Variants in CNTLN observed in about 807,000 individuals in gnomAD.
The protein encoded by CNTLN is centlein, centrosomal protein.
In CNTLN, 212 loss-of-function variants were observed where a neutral mutation model predicts 180.0. The observed-to-expected ratio is 1.18, with a 90% CI of 1.05 to 1.32. The LOEUF (loss-of-function observed/expected upper bound fraction) is 1.32. Ranked by LOEUF, CNTLN falls within the 40% of genes most tolerant of loss-of-function variation. The pLI is 0.00. For missense variants in CNTLN, 2,095 were observed against 1,610.9 expected, an observed-to-expected ratio of 1.30 and a Z score of -5.14; for synonymous variants, 722 against 563.1, an observed-to-expected ratio of 1.28 and a Z score of -3.99.
intron 25 of CNTLN, among the ~76,000 whole-genome samples, chr9:17,497,382 C>G (rs1197690657): frequency 6.6e-6 from 1 of 152,144 alleles, no homozygotes; most frequent in Admixed American, 6.6e-5. Context: ...AAGTCTATGG[C>G]TAACTTAAAT....
At position 17,466,697 on chromosome 9, in the gene CNTLN, C is replaced by A. The variant is rs367902163; in HGVS notation, c.3670-9C>A. ...TATCTTTTATTTTATGACTGCTGAT[C>A]TTTTGCAGGATCTCAAGCTTACTCT... On this transcript the variant is annotated splice_polypyrimidine_tract_variant and intron_variant, in intron 22 of 25. Coordinates refer to ENST00000380647, the MANE Select transcript of CNTLN (RefSeq NM_017738.4). 6.2e-6 allele frequency: 10 copies of A among 1,602,060 alleles called. No individual in the cohort carries two copies. In the East Asian group the frequency reaches 2.0e-4, roughly 33 times the overall value.
chr9:17,471,373 A>G (rs528033987), intron 23 of CNTLN, among the ~76,000 whole-genome samples: 16 of 152,198 alleles, frequency 1.1e-4, no homozygotes, highest in African/African-American at 3.9e-4. Context: ...ATCGTGTACT[A>G]TATTTTCCAC....
At chr9:17,482,794 A>AT (rs926698193) in intron 23 of CNTLN, among the ~76,000 whole-genome samples, 3 of 152,190 alleles carry the variant, frequency 2.0e-5, no homozygotes, top group African/African-American at 7.2e-5. Context: ...ACTGACAAAC[A>AT]TTTATGAAAC....
rs571585538 is a variant in CNTLN, at chr9:17,314,339, T to C, written c.1341+5087T>C. Among the ~76,000 whole-genome samples the C allele has an allele frequency of 3.3e-5, 5 of 152,328 alleles. No individual in the cohort carries two copies. In the South Asian group the frequency reaches 8.3e-4, roughly 25 times the overall value. On this transcript the variant is annotated intron_variant, in intron 8 of 25. Transcript: ENST00000380647. The stretch of plus-strand genomic sequence containing the variant: ...ATTATATGGTGTATATTGTAAAATA[T>C]ATGTTATAGAGACTCTGGTTTCTGT...
chr9:17,399,359 A>G (rs115045407), intron 15 of CNTLN, among the ~76,000 whole-genome samples: 2,175 of 152,146 alleles, frequency 0.014, 54 homozygotes, highest in African/African-American at 0.05. Flanking sequence ...TTCTCTTATC[A>G]TTAAGTTACT....
rs1054180804 is a variant in CNTLN at position 17,135,405 on chromosome 9, G to A, written c.340G>A (p.Glu114Lys). 1.3e-6 allele frequency: 2 copies of A among 1,597,456 alleles called. No homozygotes were observed. The stretch of plus-strand genomic sequence containing the variant: ...GGAGGAAGAGCTGAGCAGCCTAAAG[G>A]AGGAGTTGGCCCTGTGTCAGGTATC... Reference protein sequence around the residue: ...LLEEELSSLKEELALCQADKE... With the variant: ...LLEEELSSLKKELALCQADKE... Residue 114 changes from glutamate to lysine, a missense_variant, in exon 1 of 26, where the codon GAG (glutamate) becomes AAG (lysine). By Grantham distance (56) the Glu-to-Lys change is moderately conservative. Transcript: ENST00000380647.
chr9:17,354,984 C>T (rs942113098), intron 12 of CNTLN, among the ~76,000 whole-genome samples: 1 of 152,062 alleles, frequency 6.6e-6, no homozygotes, highest in East Asian at 1.9e-4. Context: ...GTAACACTCA[C>T]CGCGAAGGTC....
chr9:17,281,273 A>ATT (rs36077273), intron 6 of CNTLN, among the ~76,000 whole-genome samples: 2 of 150,286 alleles, frequency 1.3e-5, no homozygotes, highest in African/African-American at 4.9e-5. Context: ...ATTTTATTTT[A>ATT]TTTTTTAAAA....
chr9:17,141,991 A>G (rs191598968), intron 1 of CNTLN, among the ~76,000 whole-genome samples: 81 of 151,668 alleles, frequency 5.3e-4, no homozygotes, highest in African/African-American at 1.5e-3. Context: ...CTGAGGCAGA[A>G]GAATCACTTG....
intron 2 of CNTLN, among the ~76,000 whole-genome samples, chr9:17,145,492 AT>A (rs1818393443): frequency 6.6e-6 from 1 of 152,204 alleles, no homozygotes; most frequent in Non-Finnish European, 1.5e-5. Context: ...TCCATTAGTT[AT>A]CCAAATTATG....
intron 18 of CNTLN, among the ~76,000 whole-genome samples, chr9:17,425,498 A>G (rs2133949040): frequency 6.6e-6 from 1 of 152,298 alleles, no homozygotes; most frequent in African/African-American, 2.4e-5. Context: ...TCTTTTAGCA[A>G]CCCAGTCTGG....
chr9:17,179,058 A>G (rs1311620409), intron 2 of CNTLN, among the ~76,000 whole-genome samples: 1 of 146,434 alleles, frequency 6.8e-6, no homozygotes, highest in Non-Finnish European at 1.5e-5. Context: ...TCCCGGCTAA[A>G]ACGGTGAAAC....
chr9:17,215,467 G>A (rs79174532), intron 2 of CNTLN, among the ~76,000 whole-genome samples: 1 of 145,984 alleles, frequency 6.9e-6, no homozygotes, highest in African/African-American at 2.8e-5. Context: ...CCCCTACTAG[G>A]GGGTGCCTCC....
At chr9:17,367,945 C>A (rs926954131) in intron 13 of CNTLN, among the ~76,000 whole-genome samples, 2 of 152,058 alleles carry the variant, frequency 1.3e-5, no homozygotes, top group South Asian at 2.1e-4. Flanking sequence ...TGGTGAGAAA[C>A]CCCTGCATGA....
At chr9:17,268,403 T>G (rs1827663739) in intron 5 of CNTLN, among the ~76,000 whole-genome samples, 1 of 152,158 alleles carries the variant, frequency 6.6e-6, no homozygotes, top group Non-Finnish European at 1.5e-5. Flanking sequence ...GGAAGTTTTG[T>G]CTCAGAGGAG....
At chr9:17,442,819 C>T (rs1830185347) in intron 18 of CNTLN, among the ~76,000 whole-genome samples, 1 of 152,100 alleles carries the variant, frequency 6.6e-6, no homozygotes, top group Non-Finnish European at 1.5e-5. Context: ...CAAGCATAAG[C>T]AGTTGTAAGA....
intron 1 of CNTLN, 57 bp from the exon 2 acceptor site, chr9:17,143,231 T>C: frequency 2.5e-6 from 3 of 1,205,642 alleles, no homozygotes; most frequent in Middle Eastern, 1.9e-4. Flanking sequence ...TAATGTAGTA[T>C]CTTATTTCAC....
intron 18 of CNTLN, 29 bp downstream of exon 18, chr9:17,416,218 G>GTA: frequency 1.3e-6 from 2 of 1,518,476 alleles, no homozygotes; most frequent in Non-Finnish European, 1.8e-6. Flanking sequence ...TTGAACAGTA[G>GTA]TATACTATAT....
At chr9:17,227,503 T>C (rs1824547346) in intron 3 of CNTLN, among the ~76,000 whole-genome samples, 1 of 152,008 alleles carries the variant, frequency 6.6e-6, no homozygotes, top group South Asian at 2.1e-4. Flanking sequence ...ATACTCAAGC[T>C]CATTACGGAG....
Sources: gnomAD v4.1 joint callset for allele counts (sites outside exome capture counted in the v4.1 genomes callset) on GRCh38, gnomAD v4.1.1 for gene constraint, MANE v1.5 for transcripts, NCBI Gene and HGNC (gene_info 2026-07-23, HGNC 2026-07-21) for gene names.